RDX: variants seen among roughly 807,000 people sequenced by gnomAD.
RDX encodes the protein deafness, autosomal recessive 24.
RDX carries 32 observed loss-of-function variants against 83.7 expected under a neutral mutation model. That is an observed-to-expected ratio of 0.38 (90% CI 0.29 to 0.51). The LOEUF is 0.51. RDX is among the 20% of genes least tolerant of loss of function. The pLI, the probability that RDX is intolerant of heterozygous loss-of-function variation, is 0.87. For missense variants in RDX, 600 were observed against 689.9 expected, an observed-to-expected ratio of 0.87 and a Z score of 1.46; for synonymous variants, 229 against 222.7, an observed-to-expected ratio of 1.03 and a Z score of -0.25.
intron 10 of RDX, among the ~76,000 whole-genome samples, chr11:110,247,473 A>G (rs1859156217): frequency 6.6e-6 from 1 of 152,194 alleles, no homozygotes; most frequent in African/African-American, 2.4e-5. Flanking sequence ...AAAACAAAAA[A>G]CTAAAAAAAG....
intron 15 of RDX, among the ~76,000 whole-genome samples, chr11:110,190,408 T>C (rs573480563): frequency 2.0e-5 from 3 of 152,212 alleles, no homozygotes; most frequent in Non-Finnish European, 2.9e-5. Context: ...GAGCCGAGAC[T>C]GTGCCACTGT....
At chr11:110,199,562 G>A (rs760702855) in intron 15 of RDX, 35 of 702,822 alleles carry the variant, frequency 5.0e-5, no homozygotes, top group South Asian at 2.7e-4. Flanking sequence ...CCCTGGCCAC[G>A]GCTGCCAGTT....
chr11:110,284,140 T>C (rs1860880471), intron 1 of RDX, among the ~76,000 whole-genome samples: 1 of 152,240 alleles, frequency 6.6e-6, no homozygotes, highest in South Asian at 2.1e-4. Flanking sequence ...AGGTAAGTAT[T>C]GTAGGTATCA....
intron 10 of RDX, among the ~76,000 whole-genome samples, chr11:110,244,239 G>A (rs1865213232): frequency 6.6e-6 from 1 of 151,810 alleles, no homozygotes; most frequent in African/African-American, 2.4e-5. Flanking sequence ...GTGGACGCCT[G>A]TAATCCCAGC....
At chr11:110,228,308 T>C (rs1864497459), downstream of RDX, among the ~76,000 whole-genome samples, 1 of 152,094 alleles carries the variant, frequency 6.6e-6, no homozygotes, top group Non-Finnish European at 1.5e-5. Context: ...AAAGAGCTTT[T>C]GTATGAGCTA....
At chr11:110,245,605 T>C (rs1319207653) in intron 10 of RDX, among the ~76,000 whole-genome samples, 1 of 152,170 alleles carries the variant, frequency 6.6e-6, no homozygotes, top group Admixed American at 6.5e-5. Context: ...GTAAACAATA[T>C]ATATCTAAAT....
At chr11:110,279,260 G>C (rs1204216683) in intron 2 of RDX, among the ~76,000 whole-genome samples, 1 of 152,142 alleles carries the variant, frequency 6.6e-6, no homozygotes, top group African/African-American at 2.4e-5. Context: ...CCAGATTGGT[G>C]GCAGAACCAA....
chr11:110,235,081 A>G (rs1054192367), intron 12 of RDX, among the ~76,000 whole-genome samples: 8 of 151,702 alleles, frequency 5.3e-5, no homozygotes, highest in Non-Finnish European at 5.9e-5. Context: ...AGCTGCACAC[A>G]GTGGCTTACA....
At chr11:110,208,398 CTCTCT>C (rs1304356390) in intron 14 of RDX, among the ~76,000 whole-genome samples, 3 of 152,198 alleles carry the variant, frequency 2.0e-5, no homozygotes, top group Admixed American at 2.0e-4. Flanking sequence ...TCCTCGCTGG[CTCTCT>C]TCTACATGCT....
chr11:110,237,579 T>C lies in RDX; in HGVS notation c.1164A>G (p.Arg388=), dbSNP rs2134313032. The change falls in exon 11 of 14, where the codon CGA becomes CGG. Residue 388 remains arginine (R), a synonymous_variant. Transcript: ENST00000645495. ...CAGCAGCTCGACGCTCCTTTTCAAGTCGTTCTGCTTCTTCTTTTGCTCGTT... is the reference window on the plus strand; with the variant it reads ...CAGCAGCTCGACGCTCCTTTTCAAGCCGTTCTGCTTCTTCTTTTGCTCGTT... ...ERKRAKEEAE[R]LEKERRAAEE... 1 of 1,614,196 alleles carries C rather than the reference T, an allele frequency of 6.2e-7. No individual in the cohort carries two copies. Among genetic ancestry groups the C allele is most frequent in the Non-Finnish European group, 8.5e-7 (1 of 1,180,038 alleles).
chr11:110,259,469 T>C (rs1283492032), intron 5 of RDX, among the ~76,000 whole-genome samples: 1 of 152,226 alleles, frequency 6.6e-6, no homozygotes, highest in Non-Finnish European at 1.5e-5. Context: ...CCCAAGGATT[T>C]CTTGGCAGCA....
intron 15 of RDX, among the ~76,000 whole-genome samples, chr11:110,196,790 T>G (rs2134232183): frequency 6.6e-6 from 1 of 152,270 alleles, no homozygotes; most frequent in South Asian, 2.1e-4. Flanking sequence ...TGACTCTAAA[T>G]ACACCAGACT....
chr11:110,220,859 T>C lies in RDX; in HGVS notation c.1748+11014A>G, dbSNP rs1475329167. On this transcript the variant is annotated intron_variant, in intron 14 of 15. Transcript: ENST00000528498. ...TAATGTGCTGTGAACTGATAAAACC[T>C]GGATCTAAACAGCCTCTGTAAAAAA... Among the ~76,000 whole-genome samples, 24 of 133,574 alleles carry C rather than the reference T, an allele frequency of 1.8e-4. No homozygotes were observed. The Admixed American group carries it at 1.9e-3, about 11-fold the overall frequency. 87.6% of individuals were successfully genotyped at this position (133,574 alleles called of 152,430 possible). A position where few individuals can be genotyped will look rare whatever the true frequency, so the allele number is the denominator to read the frequency against.
At chr11:110,290,795 T>C (rs561822741) in intron 1 of RDX, among the ~76,000 whole-genome samples, 4 of 151,910 alleles carry the variant, frequency 2.6e-5, no homozygotes, top group South Asian at 4.2e-4. Context: ...ATAGATAATA[T>C]GTAAACAAGT....
At chr11:110,284,568 T>A (rs1207945043) in intron 1 of RDX, among the ~76,000 whole-genome samples, 1 of 151,812 alleles carries the variant, frequency 6.6e-6, no homozygotes, top group Non-Finnish European at 1.5e-5. Context: ...TTGCCCAGGC[T>A]GGAGTGCAGT....
At position 110,235,398 on chromosome 11, in the gene RDX, G is replaced by A. The variant is rs112155837; in HGVS notation, c.1344+701C>T. Among the ~76,000 whole-genome samples the A allele has an allele frequency of 7.0e-4, 106 of 152,050 alleles. 1 individual carries two copies. The highest frequency in any genetic ancestry group is 2.5e-3 in the African/African-American group (103 of 41,522). On this transcript the variant is annotated intron_variant, in intron 12 of 13. Coordinates refer to ENST00000645495, the MANE Select transcript of RDX (RefSeq NM_002906.4). Reference sequence around the variant, plus strand: ...ATCACTGGTTCCCATGCCTTTTTGTGACCACAAAATGTCTCTTATATCTTC... The same window carrying A: ...ATCACTGGTTCCCATGCCTTTTTGTAACCACAAAATGTCTCTTATATCTTC...
chr11:110,233,469 G>A lies in RDX; in HGVS notation c.1355C>T (p.Ala452Val). ...ATEWQHKAFA[A>V]QEDLEKTKEE... ...TTTGGTCTTTTCCAAGTCTTCCTGG[G>A]CTGCAAAAGCCTGAACATTAAAAAT... The change falls in exon 13 of 14, where the codon GCC becomes GTC. Residue 452 changes from alanine (A) to valine (V), a missense_variant. By Grantham distance (64) the Ala-to-Val change is moderately conservative (BLOSUM62 0). Coordinates refer to ENST00000645495, the MANE Select transcript of RDX (RefSeq NM_002906.4). The A allele has an allele frequency of 6.2e-7, 1 of 1,613,848 alleles. No homozygotes were observed. Among genetic ancestry groups the A allele is most frequent in the East Asian group, 2.2e-5 (1 of 44,892 alleles).
chr11:110,196,950 G>T (rs981080593), intron 15 of RDX, among the ~76,000 whole-genome samples: 1 of 152,200 alleles, frequency 6.6e-6, no homozygotes, highest in African/African-American at 2.4e-5. Context: ...CCAGGCTGGA[G>T]TGCAGGGGTG....
chr11:110,229,116 T>TA (rs758914583), downstream of RDX, among the ~76,000 whole-genome samples: 1 of 151,968 alleles, frequency 6.6e-6, no homozygotes, highest in Non-Finnish European at 1.5e-5. Context: ...GAAATGTTAA[T>TA]AGTGAGATCA....
Sources: gnomAD v4.1 joint callset for allele counts (sites outside exome capture counted in the v4.1 genomes callset) on GRCh38, gnomAD v4.1.1 for gene constraint, MANE v1.5 for transcripts, NCBI Gene and HGNC (gene_info 2026-07-23, HGNC 2026-07-21) for gene names.